The following ADGB variants were observed in gnomAD, a reference collection of about 807,000 sequenced individuals.
ADGB encodes the protein androglobin.
A neutral mutation model predicts 210.5 loss-of-function variants in ADGB; 172 were observed. The ratio of observed to expected loss-of-function variants is 0.82; its 90% confidence interval spans 0.72 to 0.93. ADGB has a LOEUF of 0.93. ADGB is among the 40% of genes least tolerant of loss of function. The probability of loss-of-function intolerance (pLI) is 0.00; values close to 1 mark genes in which losing one functional copy is unlikely to be tolerated. For synonymous variants in ADGB, 658 were observed against 662.7 expected (o/e 0.99, Z 0.11); for missense variants, 2,025 against 1,964.8 (o/e 1.03, Z -0.58).
rs962601546 is a variant in ADGB, at chr6:146,707,531, A to C, written c.1707+6461A>C. Among the ~76,000 whole-genome samples, 23 of 152,134 alleles carry C rather than the reference A, an allele frequency of 1.5e-4. 1 individual carries two copies. Among genetic ancestry groups the C allele is most frequent in the Admixed American group, 1.3e-3 (20 of 15,268 alleles). On this transcript the variant is annotated intron_variant, in intron 13 of 35. Transcript: ENST00000397944. ...AGGTGCTCTGATGTTGGATGCATAC[A>C]TATTTATAATTATTGTATCCTGTTA...
intron 8 of ADGB, 78 bp downstream of exon 8, chr6:146,672,545 C>T: frequency 1.4e-6 from 2 of 1,438,146 alleles, no homozygotes; most frequent in Admixed American, 2.7e-5. Context: ...TGATGTGTTG[C>T]TGGAAAGAGT....
At position 146,666,879 on chromosome 6, in the gene ADGB, G is replaced by A. The variant is rs944523105; in HGVS notation, c.816G>A (p.Trp272Ter). Reference sequence around the variant, plus strand: ...CGGTTATTCATGCGCTCACAGGATGGTTACCAGAAGTCATTTCTCTTCAGT... The same window carrying A: ...CGGTTATTCATGCGCTCACAGGATGATTACCAGAAGTCATTTCTCTTCAGT... ...EFTVIHALTG[W>*]LPEVISLHPG... The change falls in exon 7 of 36, where the codon TGG becomes TGA. Residue 272 changes from tryptophan (W) to a stop codon, truncating the protein, a stop_gained. Coordinates refer to ENST00000397944, the MANE Select transcript of ADGB (RefSeq NM_024694.4). LOFTEE classifies it high-confidence loss of function. 14 of 1,545,756 alleles carry A rather than the reference G, an allele frequency of 9.1e-6. No homozygotes were observed. The highest frequency in any genetic ancestry group is 1.2e-5 in the Non-Finnish European group (14 of 1,142,568).
rs1165052949 is a variant in ADGB at position 146,734,008 on chromosome 6, G to A, written c.2772G>A (p.Leu924=). ...QAMWRGTYVR[L]LMKARIPDTK... ...TGTGGAGAGGAACTTACGTTAGATTGCTTATGAAAGCCAGAATACCAGGTA... is the reference window on the plus strand; with the variant it reads ...TGTGGAGAGGAACTTACGTTAGATTACTTATGAAAGCCAGAATACCAGGTA... Residue 924 remains leucine (L), a synonymous_variant, in exon 22 of 36, where the codon TTG becomes TTA. Transcript: ENST00000397944. 1 of 1,551,316 alleles carries A rather than the reference G, an allele frequency of 6.4e-7. No individual in the cohort carries two copies. The highest frequency in any genetic ancestry group is 8.7e-7 in the Non-Finnish European group (1 of 1,146,908).
intron 2 of ADGB, among the ~76,000 whole-genome samples, chr6:146,641,845 G>A (rs1775519549): frequency 6.6e-6 from 1 of 151,990 alleles, no homozygotes; most frequent in Non-Finnish European, 1.5e-5. Flanking sequence ...ATAGAAATGG[G>A]CAAAGATTTC....
intron 29 of ADGB, among the ~76,000 whole-genome samples, chr6:146,779,601 T>C (rs1397183518): frequency 6.6e-6 from 1 of 151,998 alleles, no homozygotes; most frequent in Admixed American, 6.6e-5. Context: ...TTCTCGGTAA[T>C]ATTAATAGCA....
intron 9 of ADGB, among the ~76,000 whole-genome samples, chr6:146,683,483 A>T (rs1314403645): frequency 6.6e-6 from 1 of 152,158 alleles, no homozygotes; most frequent in Admixed American, 6.6e-5. Context: ...CCCATGCTAT[A>T]CCACTTATTA....
intron 35 of ADGB, among the ~76,000 whole-genome samples, chr6:146,811,914 T>G (rs1194421086): frequency 1.3e-5 from 2 of 152,166 alleles, no homozygotes; most frequent in Non-Finnish European, 2.9e-5. Flanking sequence ...GACCTCATGA[T>G]CCGCCTGCCT....
intron 8 of ADGB, among the ~76,000 whole-genome samples, chr6:146,673,355 C>T (rs191218754): frequency 1.5e-4 from 23 of 152,168 alleles, no homozygotes; most frequent in African/African-American, 5.3e-4. Flanking sequence ...AGAAATGTGC[C>T]TTGTTATTCT....
At chr6:146,614,130 T>A (rs1282211260) in intron 1 of ADGB, among the ~76,000 whole-genome samples, 1 of 152,142 alleles carries the variant, frequency 6.6e-6, no homozygotes, top group African/African-American at 2.4e-5. Context: ...CATGAAGTGA[T>A]GTTTGTAATT....
In ADGB at chr6:146,815,274, T is replaced by A; in HGVS notation, c.*57T>A. On this transcript the variant is annotated 3_prime_UTR_variant, in exon 36 of 36. Transcript: ENST00000397944. ...GAGAGAAAAAATCTATTTGTAATGA[T>A]CTTTAACTGCCTGCTGTTAAGATAT... 7.6e-7 allele frequency: 1 copy of A among 1,310,912 alleles called. No homozygotes were observed. Among genetic ancestry groups the A allele is most frequent in the Non-Finnish European group, 1.0e-6 (1 of 997,486 alleles). The allele number at this position is 1,310,912 out of a possible 1,614,324, so 81.2% of individuals were successfully genotyped here. A position where few individuals can be genotyped will look rare whatever the true frequency, so the allele number is the denominator to read the frequency against.
chr6:146,669,378 T>G (rs1775976929), intron 7 of ADGB, among the ~76,000 whole-genome samples: 1 of 152,014 alleles, frequency 6.6e-6, no homozygotes, highest in Admixed American at 6.6e-5. Context: ...AATGAGTGGT[T>G]TGTACACACT....
chr6:146,807,414 G>A, intron 35 of ADGB: 1 of 1,551,484 alleles, frequency 6.4e-7, no homozygotes, highest in South Asian at 1.2e-5. Flanking sequence ...CTCCTTAGAT[G>A]AAGCCCGACA....
intron 35 of ADGB, 88 bp from the exon 36 acceptor site, chr6:146,814,944 C>T (rs1778360803): frequency 1.5e-6 from 2 of 1,301,992 alleles, no homozygotes; most frequent in African/African-American, 1.5e-5. Flanking sequence ...GGCGTAAGGA[C>T]AGGGTAAAGG....
Position 146,644,944 on chromosome 6 carries a change from T to C in ADGB, c.330+79T>C. ...TACTGATAAAAATTTGCATTTTTTG[T>C]AATGATTTAGGGTAATTTTCTCTTG... On this transcript the variant is annotated intron_variant, in intron 3 of 35. Coordinates refer to ENST00000397944, the MANE Select transcript of ADGB (RefSeq NM_024694.4). The C allele has an allele frequency of 3.5e-6, 3 of 864,800 alleles. No individual in the cohort carries two copies. In the African/African-American group the frequency reaches 5.3e-5, roughly 15 times the overall value. 53.6% of individuals were successfully genotyped at this position (864,800 alleles called of 1,614,324 possible).
intron 1 of ADGB, among the ~76,000 whole-genome samples, chr6:146,629,594 T>A (rs1377465618): frequency 6.6e-6 from 1 of 152,184 alleles, no homozygotes; most frequent in East Asian, 1.9e-4. Flanking sequence ...GATATCTTCC[T>A]TTAAATAAAT....
At chr6:146,725,503 T>G (rs1776882128) in intron 18 of ADGB, 1 of 152,204 alleles carries the variant, frequency 6.6e-6, no homozygotes, top group African/African-American at 2.4e-5. Context: ...TGCCTGATGA[T>G]CTGAGGTGGA....
intron 11 of ADGB, among the ~76,000 whole-genome samples, 165 bp downstream of exon 11, chr6:146,691,455 T>TAA (rs1776318826): frequency 3.7e-5 from 2 of 54,242 alleles, no homozygotes; most frequent in Non-Finnish European, 5.5e-5. Flanking sequence ...AATATATATA[T>TAA]ATAAAAATAT....
intron 13 of ADGB, among the ~76,000 whole-genome samples, chr6:146,712,219 C>T (rs1466267968): frequency 2.0e-5 from 3 of 151,450 alleles, no homozygotes; most frequent in Admixed American, 1.3e-4. Context: ...GAGTCTCACT[C>T]TGTTGCCCAG....
intron 35 of ADGB, chr6:146,807,437 C>T (rs1323671158): frequency 1.9e-6 from 3 of 1,551,502 alleles, no homozygotes; most frequent in African/African-American, 1.4e-5. Context: ...AAATTTTCGA[C>T]ATCCGGGAAG....
Sources: allele counts gnomAD v4.1 joint callset (sites outside exome capture counted in the v4.1 genomes callset), GRCh38; gene constraint gnomAD v4.1.1; transcripts MANE v1.5; gene names NCBI Gene and HGNC (gene_info 2026-07-23, HGNC 2026-07-21).